The following KCND2 variants were observed in gnomAD, a reference collection of about 807,000 sequenced individuals.
KCND2 encodes the protein potassium voltage-gated channel subfamily D member 2.
In KCND2, 16 loss-of-function variants were observed where a neutral mutation model predicts 54.4. The observed-to-expected ratio is 0.29, with a 90% CI of 0.20 to 0.45. The LOEUF is 0.45. Ranked by LOEUF, KCND2 falls within the 20% of genes least tolerant of loss-of-function variation. KCND2 has a pLI of 1.00. For synonymous variants in KCND2, 317 were observed against 310.7 expected, an observed-to-expected ratio of 1.02 and a Z score of -0.21; for missense variants, 486 against 824.2, an observed-to-expected ratio of 0.59 and a Z score of 5.02.
intron 1 of KCND2, among the ~76,000 whole-genome samples, chr7:120,727,654 A>G (rs1423556787): frequency 6.6e-6 from 1 of 152,222 alleles, no homozygotes; most frequent in Non-Finnish European, 1.5e-5. Context: ...CAAATTTAGA[A>G]TTAACATTTT....
At chr7:120,461,298 C>A (rs1584788578) in intron 1 of KCND2, among the ~76,000 whole-genome samples, 1 of 152,142 alleles carries the variant, frequency 6.6e-6, no homozygotes, top group South Asian at 2.1e-4. Context: ...TGGAAAATAT[C>A]CACAAGAGCA....
intron 1 of KCND2, among the ~76,000 whole-genome samples, chr7:120,615,063 C>G (rs180792569): frequency 6.6e-6 from 1 of 152,284 alleles, no homozygotes; most frequent in African/African-American, 2.4e-5. Flanking sequence ...AATGGAGACC[C>G]TGAAAACCTG....
At chr7:120,527,269 TA>T (rs2116357824) in intron 1 of KCND2, among the ~76,000 whole-genome samples, 1 of 152,260 alleles carries the variant, frequency 6.6e-6, no homozygotes, top group African/African-American at 2.4e-5. Flanking sequence ...AAGCTAAGTA[TA>T]GTGGTCATTA....
chr7:120,518,405 C>T (rs1584810549), intron 1 of KCND2, among the ~76,000 whole-genome samples: 2 of 152,034 alleles, frequency 1.3e-5, no homozygotes, highest in East Asian at 3.9e-4. Context: ...AAGCAAATAG[C>T]TTAGGTATGA....
At position 120,330,125 on chromosome 7, in the gene KCND2, C is replaced by G. The variant is rs536648791; in HGVS notation, c.1115+54378C>G. On this transcript the variant is annotated intron_variant, in intron 1 of 5. Transcript: ENST00000331113. Reference sequence around the variant, plus strand: ...CTACCTGGGTTGAAAACTCAGCTCCCCATTCACTAGATATGTGAACCTTAG... The same window carrying G: ...CTACCTGGGTTGAAAACTCAGCTCCGCATTCACTAGATATGTGAACCTTAG... Among the ~76,000 whole-genome samples the G allele has an allele frequency of 9.9e-5, 15 of 152,202 alleles. No homozygotes were observed. The East Asian group carries it at 2.5e-3, about 26-fold the overall frequency.
At chr7:120,286,433 T>C (rs1401563042) in intron 1 of KCND2, among the ~76,000 whole-genome samples, 2 of 151,908 alleles carry the variant, frequency 1.3e-5, no homozygotes, top group Non-Finnish European at 2.9e-5. Flanking sequence ...ATGTGGGAGA[T>C]AGGAAAAGCC....
At chr7:120,675,200 T>G (rs1212828036) in intron 1 of KCND2, among the ~76,000 whole-genome samples, 1 of 152,050 alleles carries the variant, frequency 6.6e-6, no homozygotes, top group Non-Finnish European at 1.5e-5. Context: ...TTTTTAACTT[T>G]ATCATTCTTT....
chr7:120,281,308 A>G (rs1288404137), intron 1 of KCND2, among the ~76,000 whole-genome samples: 12 of 151,810 alleles, frequency 7.9e-5, no homozygotes, highest in Admixed American at 6.6e-4. Context: ...TTTTCTAAGC[A>G]GGGATACACA....
At chr7:120,395,472 T>C (rs192502943) in intron 1 of KCND2, among the ~76,000 whole-genome samples, 29 of 152,082 alleles carry the variant, frequency 1.9e-4, no homozygotes, top group Admixed American at 1.8e-3. Flanking sequence ...TTATACAAAA[T>C]TGGGGCCTAG....
chr7:120,414,551 A>C (rs1185725104), intron 1 of KCND2, among the ~76,000 whole-genome samples: 1 of 152,036 alleles, frequency 6.6e-6, no homozygotes, highest in East Asian at 1.9e-4. Flanking sequence ...TTTTGATCTT[A>C]TCTCTCATAA....
chr7:120,571,215 C>G (rs1792361761), intron 1 of KCND2, among the ~76,000 whole-genome samples: 1 of 152,094 alleles, frequency 6.6e-6, no homozygotes, highest in South Asian at 2.1e-4. Context: ...CTATATTTAG[C>G]CTTTATTTGT....
intron 1 of KCND2, among the ~76,000 whole-genome samples, chr7:120,555,560 G>A (rs1456260576): frequency 6.6e-6 from 1 of 152,194 alleles, no homozygotes; most frequent in African/African-American, 2.4e-5. Context: ...AGCATAGTGA[G>A]TTCTCTACAA....
rs145122173 is a variant in KCND2, at chr7:120,398,162, T to TACAC, written c.1115+122431_1115+122434dup. Among the ~76,000 whole-genome samples the TACAC allele has an allele frequency of 1.1e-3, 167 of 147,388 alleles. 1 individual carries two copies. Among genetic ancestry groups the TACAC allele is most frequent in the Admixed American group, 2.2e-3 (32 of 14,640 alleles). On this transcript the variant is annotated intron_variant, in intron 1 of 5. Coordinates refer to ENST00000331113, the MANE Select transcript of KCND2 (RefSeq NM_012281.3). ...GAGATTTTATATGTATATACATATATACACACACACACACACACATATATA... is the reference window on the plus strand; with the variant it reads ...GAGATTTTATATGTATATACATATATACACACACACACACACACACACATATATA...
chr7:120,678,185 G>A (rs1792090187), intron 1 of KCND2, among the ~76,000 whole-genome samples: 1 of 151,368 alleles, frequency 6.6e-6, no homozygotes, highest in East Asian at 1.9e-4. Context: ...ATGGTTAGGG[G>A]GTTCTGACCT....
chr7:120,472,631 G>C (rs964315304), intron 1 of KCND2, among the ~76,000 whole-genome samples: 1 of 151,982 alleles, frequency 6.6e-6, no homozygotes, highest in Non-Finnish European at 1.5e-5. Flanking sequence ...TTGATTGGCT[G>C]TTTTGTTTTT....
intron 1 of KCND2, among the ~76,000 whole-genome samples, chr7:120,435,775 T>C (rs905027946): frequency 6.6e-6 from 1 of 152,312 alleles, no homozygotes; most frequent in African/African-American, 2.4e-5. Flanking sequence ...GCTCATCTTC[T>C]CTGCCTTTTC....
intron 1 of KCND2, among the ~76,000 whole-genome samples, chr7:120,611,570 G>A (rs1792955657): frequency 6.6e-6 from 1 of 152,148 alleles, no homozygotes; most frequent in Admixed American, 6.5e-5. Context: ...TAAAACTCTA[G>A]TTTGTGTCCA....
chr7:120,505,532 C>T (rs375167165), intron 1 of KCND2, among the ~76,000 whole-genome samples: 9 of 151,416 alleles, frequency 5.9e-5, no homozygotes, highest in East Asian at 1.9e-4. Context: ...AAAAAGAAAC[C>T]CTGTGTATTT....
At chr7:120,692,665 G>A (rs1049630456) in intron 1 of KCND2, among the ~76,000 whole-genome samples, 6 of 152,134 alleles carry the variant, frequency 3.9e-5, no homozygotes, top group African/African-American at 1.4e-4. Context: ...ATAAGAAAGT[G>A]TCCTACTGTT....
Sources: allele counts gnomAD v4.1 joint callset (sites outside exome capture counted in the v4.1 genomes callset), GRCh38; gene constraint gnomAD v4.1.1; transcripts MANE v1.5; gene names NCBI Gene and HGNC (gene_info 2026-07-23, HGNC 2026-07-21).